CYP7B1: variants seen among roughly 807,000 people sequenced by gnomAD.
The protein encoded by CYP7B1 is cytochrome P450 7B1.
A neutral mutation model predicts 42.7 loss-of-function variants in CYP7B1; 29 were observed. The observed-to-expected ratio is 0.68, with a 90% CI of 0.51 to 0.93. The LOEUF is 0.93. Ranked by LOEUF, CYP7B1 falls within the 40% of genes least tolerant of loss-of-function variation. The pLI is 0.00. For missense variants in CYP7B1, 655 were observed against 600.5 expected (o/e 1.09, Z -0.95); for synonymous variants, 235 against 218.2 (o/e 1.08, Z -0.68).
At chr8:64,764,506 A>T (rs1585901776) in intron 1 of CYP7B1, among the ~76,000 whole-genome samples, 1 of 152,136 alleles carries the variant, frequency 6.6e-6, no homozygotes, top group Non-Finnish European at 1.5e-5. Context: ...GTAAATTTAA[A>T]ACCTATAATT....
intron 1 of CYP7B1, among the ~76,000 whole-genome samples, chr8:64,696,091 A>G (rs1806824770): frequency 6.6e-6 from 1 of 152,178 alleles, no homozygotes; most frequent in African/African-American, 2.4e-5. Flanking sequence ...CAGATTTATT[A>G]ACAGGGTCAT....
intron 2 of CYP7B1, among the ~76,000 whole-genome samples, chr8:64,620,047 G>A (rs988552999): frequency 1.3e-5 from 2 of 152,028 alleles, no homozygotes; most frequent in Non-Finnish European, 2.9e-5. Context: ...TTAGCCAGGT[G>A]TGGTGGCACA....
chr8:64,672,214 A>G (rs778786420), intron 1 of CYP7B1, among the ~76,000 whole-genome samples: 2 of 152,208 alleles, frequency 1.3e-5, no homozygotes, highest in Non-Finnish European at 2.9e-5. Context: ...TAAGACCTTA[A>G]TGAGCAGAAA....
intron 1 of CYP7B1, among the ~76,000 whole-genome samples, chr8:64,776,740 G>A (rs1299690064): frequency 4.6e-5 from 7 of 152,006 alleles, no homozygotes; most frequent in South Asian, 4.2e-4. Flanking sequence ...AAAGCAGGTC[G>A]TAAGACCTAG....
At chr8:64,695,566 T>C (rs2129632310) in intron 1 of CYP7B1, among the ~76,000 whole-genome samples, 1 of 151,940 alleles carries the variant, frequency 6.6e-6, no homozygotes, top group Middle Eastern at 3.4e-3. Flanking sequence ...GTTGTGCACT[T>C]TTTAAAAAGA....
chr8:64,663,105 C>T (rs1422665384), intron 1 of CYP7B1, among the ~76,000 whole-genome samples: 2 of 152,138 alleles, frequency 1.3e-5, no homozygotes, highest in Admixed American at 1.3e-4. Context: ...TCTAACAAGC[C>T]TTTTCTTATG....
intron 1 of CYP7B1, among the ~76,000 whole-genome samples, chr8:64,638,174 CTT>C (rs1805801739): frequency 6.6e-6 from 1 of 151,326 alleles, no homozygotes; most frequent in South Asian, 2.1e-4. Context: ...CTCCAAGTCT[CTT>C]TGTTTCAGTT....
At position 64,730,841 on chromosome 8, in the gene CYP7B1, T is replaced by C. The variant is rs537323298; in HGVS notation, c.122+67625A>G. The stretch of plus-strand genomic sequence containing the variant: ...TTCCCCACCCAAATTTCATCATGAA[T>C]TGTAATCCCCACATACTAGGGGAGG... On this transcript the variant is annotated intron_variant, in intron 1 of 5. Transcript: ENST00000310193. Among the ~76,000 whole-genome samples, 12 of 151,754 alleles carry C rather than the reference T, an allele frequency of 7.9e-5. No homozygotes were observed. In the South Asian group the frequency reaches 2.5e-3, roughly 32 times the overall value.
At chr8:64,644,418 G>C (rs1308359997) in intron 1 of CYP7B1, among the ~76,000 whole-genome samples, 1 of 152,050 alleles carries the variant, frequency 6.6e-6, no homozygotes, top group African/African-American at 2.4e-5. Context: ...ACTTTTCCCA[G>C]CTCCATCGGA....
chr8:64,798,529 G>T lies in CYP7B1; in HGVS notation c.59C>A (p.Pro20Gln), dbSNP rs537303950. ...CAGGGCCGCGGCGAGGGCCAGGCCC[G>T]GGAGGCCCAACCGCTCCAGCGAAAA... Reference protein sequence around the residue: ...GRFSLERLGLPGLALAAALLL... With the variant: ...GRFSLERLGLQGLALAAALLL... The change falls in exon 1 of 6, where the codon CCG becomes CAG. Residue 20 changes from proline to glutamine, a missense_variant. Physicochemically the swap from Pro to Gln is moderately conservative, Grantham distance 76. Coordinates refer to ENST00000310193, the MANE Select transcript of CYP7B1 (RefSeq NM_004820.5). 2.7e-6 allele frequency: 4 copies of T among 1,501,264 alleles called. No individual in the cohort carries two copies. The Admixed American group carries it at 8.6e-5, about 32-fold the overall frequency. 93.0% of individuals were successfully genotyped at this position (1,501,264 alleles called of 1,614,324 possible).
chr8:64,622,598 CT>C (rs1191691664), intron 2 of CYP7B1, among the ~76,000 whole-genome samples: 1 of 152,028 alleles, frequency 6.6e-6, no homozygotes, highest in Non-Finnish European at 1.5e-5. Flanking sequence ...ATGCAACTCT[CT>C]TGAAAGAGCT....
chr8:64,760,584 C>T (rs1381850927), intron 1 of CYP7B1, among the ~76,000 whole-genome samples: 1 of 151,910 alleles, frequency 6.6e-6, no homozygotes, highest in Non-Finnish European at 1.5e-5. Context: ...AAATGGCCAC[C>T]AGGTACATGA....
chr8:64,749,072 CT>C (rs1013443259), intron 1 of CYP7B1, among the ~76,000 whole-genome samples: 1 of 151,524 alleles, frequency 6.6e-6, no homozygotes, highest in Non-Finnish European at 1.5e-5. Context: ...TTTTTATTTT[CT>C]TTTTTTTCTT....
chr8:64,609,517 T>C (rs1460022772), intron 4 of CYP7B1, among the ~76,000 whole-genome samples: 1 of 152,312 alleles, frequency 6.6e-6, no homozygotes, highest in East Asian at 1.9e-4. Context: ...ACAACTATCA[T>C]GCCATTTTCT....
At chr8:64,731,016 G>T (rs958222006) in intron 1 of CYP7B1, among the ~76,000 whole-genome samples, 1 of 152,138 alleles carries the variant, frequency 6.6e-6, no homozygotes, top group Non-Finnish European at 1.5e-5. Context: ...TGTGAAGAAC[G>T]ATGAGTCTGC....
intron 2 of CYP7B1, among the ~76,000 whole-genome samples, chr8:64,618,771 A>T (rs1805486197): frequency 6.6e-6 from 1 of 152,162 alleles, no homozygotes; most frequent in Non-Finnish European, 1.5e-5. Flanking sequence ...AATTGTTTTT[A>T]AAAATATAAG....
intron 5 of CYP7B1, among the ~76,000 whole-genome samples, chr8:64,602,588 G>A (rs1229822989): frequency 6.6e-6 from 1 of 152,162 alleles, no homozygotes; most frequent in Non-Finnish European, 1.5e-5. Flanking sequence ...AACACCTATT[G>A]CCTGTTATCA....
At chr8:64,627,081 T>C (rs1292216828) in intron 1 of CYP7B1, among the ~76,000 whole-genome samples, 1 of 152,234 alleles carries the variant, frequency 6.6e-6, no homozygotes, top group Non-Finnish European at 1.5e-5. Flanking sequence ...CTTTCTCTTT[T>C]TAGAAGACAA....
chr8:64,730,405 T>G (rs1041971604), intron 1 of CYP7B1, among the ~76,000 whole-genome samples: 7 of 152,054 alleles, frequency 4.6e-5, no homozygotes, highest in African/African-American at 1.4e-4. Flanking sequence ...TAAGCTTCAA[T>G]TTTTGTAAAA....
Sources: allele counts gnomAD v4.1 joint callset (sites outside exome capture counted in the v4.1 genomes callset), GRCh38; gene constraint gnomAD v4.1.1; transcripts MANE v1.5; gene names NCBI Gene and HGNC (gene_info 2026-07-23, HGNC 2026-07-21).